The following ABI3BP variants were observed in gnomAD, a reference collection of about 807,000 sequenced individuals.
ABI3BP encodes the protein target of Nesh-SH3.
Under a neutral mutation model 268.6 loss-of-function variants are expected in ABI3BP, and 216 were observed. The ratio of observed to expected loss-of-function variants is 0.80; its 90% CI spans 0.72 to 0.90. The LOEUF (loss-of-function observed/expected upper bound fraction) is 0.90, where lower values mean the gene tolerates loss of function less well. Among genes scored for constraint, ABI3BP ranks in the 40% least tolerant of loss-of-function variants. The probability of loss-of-function intolerance (pLI) is 0.00; values close to 1 mark genes in which losing one functional copy is unlikely to be tolerated. For synonymous variants in ABI3BP, 730 were observed against 730.0 expected, an observed-to-expected ratio of 1.00 and a Z score of 0.00; for missense variants, 2,090 against 2,182.4, an observed-to-expected ratio of 0.96 and a Z score of 0.84.
intron 1 of ABI3BP, among the ~76,000 whole-genome samples, chr3:100,939,558 G>T (rs561705177): frequency 1.3e-5 from 2 of 152,148 alleles, no homozygotes; most frequent in African/African-American, 4.8e-5. Flanking sequence ...TTTTATTAGG[G>T]ATTTTCAAAA....
intron 2 of ABI3BP, among the ~76,000 whole-genome samples, chr3:100,906,576 A>C (rs1453281292): frequency 1.3e-5 from 2 of 152,220 alleles, no homozygotes; most frequent in African/African-American, 4.8e-5. Context: ...ATTTAGAAAG[A>C]TATATACCTA....
chr3:100,933,370 A>G (rs2064445120), intron 1 of ABI3BP, among the ~76,000 whole-genome samples: 1 of 151,894 alleles, frequency 6.6e-6, no homozygotes, highest in South Asian at 2.1e-4. Context: ...TCTTATCCAT[A>G]GTGTGTTCTT....
chr3:100,895,143 T>A (rs1198513560), intron 4 of ABI3BP, among the ~76,000 whole-genome samples: 1 of 151,612 alleles, frequency 6.6e-6, no homozygotes, highest in East Asian at 1.9e-4. Flanking sequence ...TAAATTTGGG[T>A]TAAAAACAGT....
At chr3:100,934,227 G>T (rs1166773832) in intron 1 of ABI3BP, among the ~76,000 whole-genome samples, 2 of 151,566 alleles carry the variant, frequency 1.3e-5, no homozygotes, top group East Asian at 3.9e-4. Context: ...TTGAGAAAAT[G>T]CAGTGTCTGG....
intron 62 of ABI3BP, among the ~76,000 whole-genome samples, chr3:100,769,928 T>A (rs554630692): frequency 7.2e-5 from 11 of 152,220 alleles, no homozygotes; most frequent in Non-Finnish European, 1.0e-4. Context: ...AGCTGCTGTT[T>A]TCCATGTGCA....
At chr3:100,979,768 G>A (rs765458128) in intron 1 of ABI3BP, among the ~76,000 whole-genome samples, 2 of 152,202 alleles carry the variant, frequency 1.3e-5, no homozygotes, top group Non-Finnish European at 2.9e-5. Flanking sequence ...TAAAGAACAA[G>A]TATTATATAA....
At chr3:100,973,963 T>C (rs1351666564) in intron 1 of ABI3BP, among the ~76,000 whole-genome samples, 3 of 152,146 alleles carry the variant, frequency 2.0e-5, no homozygotes, top group Non-Finnish European at 4.4e-5. Flanking sequence ...TTAGACAAGA[T>C]GCGGTTTCTA....
intron 1 of ABI3BP, among the ~76,000 whole-genome samples, chr3:100,934,134 C>T (rs562778904): frequency 6.6e-6 from 1 of 151,282 alleles, no homozygotes; most frequent in Admixed American, 6.6e-5. Context: ...CCTCCCCTAA[C>T]CCCCCACCCC....
At chr3:100,799,795 A>G (rs535153230) in intron 51 of ABI3BP, among the ~76,000 whole-genome samples, 1 of 152,186 alleles carries the variant, frequency 6.6e-6, no homozygotes, top group South Asian at 2.1e-4. Context: ...CTCCTCTATG[A>G]TATTATCCAA....
At chr3:100,802,173 A>C (rs9827896) in intron 51 of ABI3BP, among the ~76,000 whole-genome samples, 1 of 152,226 alleles carries the variant, frequency 6.6e-6, no homozygotes, top group African/African-American at 2.4e-5. Context: ...CATAAAACTA[A>C]CTACAGAAAT....
At chr3:100,974,028 G>C (rs180905497) in intron 1 of ABI3BP, among the ~76,000 whole-genome samples, 1 of 151,904 alleles carries the variant, frequency 6.6e-6, no homozygotes, top group Non-Finnish European at 1.5e-5. Context: ...TATGCCTAAC[G>C]AATAGAGATA....
intron 18 of ABI3BP, 43 bp downstream of exon 18, chr3:100,848,758 C>G: frequency 6.4e-7 from 1 of 1,571,124 alleles, no homozygotes; most frequent in East Asian, 2.2e-5. Context: ...TGGACATTGT[C>G]TATCTGGAAT....
chr3:100,941,761 C>T (rs186100989), intron 1 of ABI3BP, among the ~76,000 whole-genome samples: 2 of 152,288 alleles, frequency 1.3e-5, no homozygotes, highest in East Asian at 3.9e-4. Flanking sequence ...TGTAACCCAA[C>T]CAACAGCCAA....
intron 43 of ABI3BP, 58 bp downstream of exon 43, chr3:100,816,630 G>A (rs1257624658): frequency 2.9e-6 from 4 of 1,361,030 alleles, no homozygotes; most frequent in African/African-American, 2.9e-5. Flanking sequence ...ACTTTATTGG[G>A]ACAGCCTGCC....
intron 13 of ABI3BP, 199 bp downstream of exon 13, chr3:100,862,639 T>G: frequency 1.7e-6 from 1 of 587,830 alleles, no homozygotes; most frequent in South Asian, 2.3e-5. Context: ...AAGTGGATTA[T>G]GTGGAATTAA....
At chr3:100,766,977 G>C (rs964786441) in intron 62 of ABI3BP, among the ~76,000 whole-genome samples, 2 of 152,156 alleles carry the variant, frequency 1.3e-5, no homozygotes, top group African/African-American at 4.8e-5. Context: ...GAATAACCCA[G>C]ATAGACCCCA....
intron 1 of ABI3BP, among the ~76,000 whole-genome samples, chr3:100,963,230 T>C (rs190904401): frequency 6.6e-4 from 100 of 152,290 alleles, no homozygotes; most frequent in African/African-American, 2.4e-3. Flanking sequence ...ACACCATTAC[T>C]AAGTGGCAGG....
At chr3:100,872,511 C>A (rs763757240) in intron 9 of ABI3BP, among the ~76,000 whole-genome samples, 24 of 152,186 alleles carry the variant, frequency 1.6e-4, no homozygotes, top group Non-Finnish European at 1.9e-4. Context: ...AACAACTCTG[C>A]TCATTTTCAG....
At chr3:100,991,577 T>G (rs991207374) in intron 1 of ABI3BP, among the ~76,000 whole-genome samples, 10 of 152,186 alleles carry the variant, frequency 6.6e-5, no homozygotes, top group African/African-American at 2.4e-4. Context: ...CACCTATGCC[T>G]GGAGCACAGT....
Sources: gnomAD v4.1 joint callset for allele counts (sites outside exome capture counted in the v4.1 genomes callset) on GRCh38, gnomAD v4.1.1 for gene constraint, MANE v1.5 for transcripts, NCBI Gene and HGNC (gene_info 2026-07-23, HGNC 2026-07-21) for gene names.